Variants in GALNT13 observed in about 807,000 individuals in gnomAD.
GALNT13 encodes polypeptide N-acetylgalactosaminyltransferase 13, also known as UDP-GalNAc:polypeptide N-acetylgalactosaminyltransferase 13.
Under a neutral mutation model 64.2 loss-of-function variants are expected in GALNT13, and 28 were observed. The ratio of observed to expected loss-of-function variants is 0.44; its 90% CI spans 0.32 to 0.60. The LOEUF (loss-of-function observed/expected upper bound fraction) is 0.60. Ranked by LOEUF, GALNT13 falls within the 20% of genes least tolerant of loss-of-function variation. The probability of loss-of-function intolerance (pLI) is 0.05; values close to 1 mark genes in which losing one functional copy is unlikely to be tolerated. For missense variants in GALNT13, 577 were observed against 669.8 expected, an observed-to-expected ratio of 0.86 and a Z score of 1.53; for synonymous variants, 214 against 224.6, an observed-to-expected ratio of 0.95 and a Z score of 0.42.
chr2:153,796,548 A>ATACT, the GALNT13 span, among the ~76,000 whole-genome samples: 1 of 152,342 alleles, frequency 6.6e-6, no homozygotes, highest in South Asian at 2.1e-4. Flanking sequence ...ATTACAGTAA[A>ATACT]GTATAACAAA....
chr2:154,268,780 A>G (rs112563230), intron 8 of GALNT13, among the ~76,000 whole-genome samples: 64 of 152,210 alleles, frequency 4.2e-4, no homozygotes, highest in African/African-American at 1.4e-3. Context: ...ATCCCTGTTG[A>G]TCTGATTATA....
At chr2:154,051,592 C>T (rs560544739) in intron 3 of GALNT13, among the ~76,000 whole-genome samples, 1 of 152,206 alleles carries the variant, frequency 6.6e-6, no homozygotes, top group African/African-American at 2.4e-5. Flanking sequence ...GCCCGGCCAT[C>T]TTACTCCTTC....
the GALNT13 span, among the ~76,000 whole-genome samples, chr2:153,291,495 G>A: frequency 6.2e-3 from 944 of 152,200 alleles, 9 homozygotes; most frequent in African/African-American, 0.022. Flanking sequence ...GATTTCGTAT[G>A]TGAATTTTTC....
chr2:154,163,004 T>C (rs1307701530), intron 4 of GALNT13, among the ~76,000 whole-genome samples: 1 of 151,740 alleles, frequency 6.6e-6, no homozygotes, highest in African/African-American at 2.4e-5. Flanking sequence ...TATTATACTT[T>C]AAGTTTTAGG....
chr2:153,994,146 A>G (rs1040684780), intron 3 of GALNT13, among the ~76,000 whole-genome samples: 3 of 151,974 alleles, frequency 2.0e-5, no homozygotes, highest in Non-Finnish European at 4.4e-5. Flanking sequence ...ATTCTCACCT[A>G]TGAGTGAGAA....
chr2:153,348,206 C>T, the GALNT13 span, among the ~76,000 whole-genome samples: 1 of 152,136 alleles, frequency 6.6e-6, no homozygotes, highest in Non-Finnish European at 1.5e-5. Context: ...AAAGCAAATC[C>T]ACCACCAGAC....
At chr2:153,439,292 C>A in the GALNT13 span, among the ~76,000 whole-genome samples, 1 of 152,144 alleles carries the variant, frequency 6.6e-6, no homozygotes, top group Non-Finnish European at 1.5e-5. Context: ...AGGCAGTCTG[C>A]CTGTTCTCAG....
At chr2:153,672,222 C>T in the GALNT13 span, among the ~76,000 whole-genome samples, 3 of 152,082 alleles carry the variant, frequency 2.0e-5, 1 homozygote, top group Middle Eastern at 3.4e-3. Context: ...TCTACAGAAC[C>T]GTCCACCCCA....
the GALNT13 span, among the ~76,000 whole-genome samples, chr2:153,634,935 C>G: frequency 1.3e-5 from 2 of 152,006 alleles, no homozygotes; most frequent in African/African-American, 4.8e-5. Flanking sequence ...GTGGTTCTCT[C>G]TTACCTCTGG....
intron 3 of GALNT13, among the ~76,000 whole-genome samples, chr2:154,025,983 G>T (rs1162089297): frequency 6.6e-6 from 1 of 152,058 alleles, no homozygotes; most frequent in Non-Finnish European, 1.5e-5. Context: ...GGGAGTGAAG[G>T]CTTACTTGCC....
the GALNT13 span, among the ~76,000 whole-genome samples, chr2:153,733,868 C>G: frequency 1.3e-5 from 2 of 152,086 alleles, no homozygotes; most frequent in African/African-American, 4.8e-5. Flanking sequence ...TCCAGCAGAC[C>G]GTCCTTTTAA....
chr2:153,897,243 G>A (rs546525444), intron 1 of GALNT13, among the ~76,000 whole-genome samples: 32 of 152,140 alleles, frequency 2.1e-4, no homozygotes, highest in African/African-American at 6.7e-4. Flanking sequence ...TAGGATCCCA[G>A]GTGTATTTTG....
intron 8 of GALNT13, among the ~76,000 whole-genome samples, chr2:154,288,117 GGA>G (rs1243965746): frequency 6.6e-6 from 1 of 152,142 alleles, no homozygotes; most frequent in Admixed American, 6.5e-5. Flanking sequence ...CAATCATGGT[GGA>G]AGGCAAAGGA....
chr2:153,272,499 C>G, the GALNT13 span, among the ~76,000 whole-genome samples: 1 of 151,774 alleles, frequency 6.6e-6, no homozygotes, highest in Non-Finnish European at 1.5e-5. Flanking sequence ...GGCCAACAAA[C>G]ATATGAAAAA....
intron 4 of GALNT13, among the ~76,000 whole-genome samples, chr2:154,238,852 T>C (rs1689332007): frequency 6.6e-6 from 1 of 152,014 alleles, no homozygotes; most frequent in Non-Finnish European, 1.5e-5. Flanking sequence ...GTGAGAACTC[T>C]TAAGATCAAT....
the GALNT13 span, among the ~76,000 whole-genome samples, chr2:153,629,805 AAAGC>A: frequency 1.4e-5 from 2 of 146,786 alleles, no homozygotes; most frequent in South Asian, 2.2e-4. Flanking sequence ...TTACAAGAAA[AAAGC>A]AAACAACCCC....
At chr2:153,175,386 G>T in the GALNT13 span, among the ~76,000 whole-genome samples, 1 of 152,128 alleles carries the variant, frequency 6.6e-6, no homozygotes, top group Non-Finnish European at 1.5e-5. Context: ...ACACAAGAGT[G>T]TAATTTGCAA....
the GALNT13 span, among the ~76,000 whole-genome samples, chr2:153,260,592 T>C: frequency 2.0e-5 from 3 of 152,174 alleles, no homozygotes; most frequent in African/African-American, 7.2e-5. Context: ...CTTTGTGTGT[T>C]ATTTGTTTGT....
the GALNT13 span, chr2:153,370,911 C>T: frequency 5.1e-6 from 1 of 194,808 alleles, no homozygotes; most frequent in Non-Finnish European, 1.1e-5. Context: ...TCAAGGCCAA[C>T]AAGTACCAGA....
Sources: allele counts gnomAD v4.1 joint callset (sites outside exome capture counted in the v4.1 genomes callset), GRCh38; gene constraint gnomAD v4.1.1; transcripts MANE v1.5; gene names NCBI Gene and HGNC (gene_info 2026-07-23, HGNC 2026-07-21).